IREB2: variants seen among roughly 807,000 people sequenced by gnomAD.
The protein encoded by IREB2 is iron responsive element binding protein 2.
In IREB2, 39 loss-of-function variants were observed where a neutral mutation model predicts 118.8. The ratio of observed to expected loss-of-function variants is 0.33; its 90% CI spans 0.25 to 0.43. The LOEUF (loss-of-function observed/expected upper bound fraction) is 0.43, where lower values mean the gene tolerates loss of function less well. Ranked by LOEUF, IREB2 falls within the 20% of genes least tolerant of loss-of-function variation. The pLI, the probability that IREB2 is intolerant of heterozygous loss-of-function variation, is 1.00. For missense variants in IREB2, 900 were observed against 1,147.3 expected, an observed-to-expected ratio of 0.78 and a Z score of 3.11; for synonymous variants, 372 against 392.2, an observed-to-expected ratio of 0.95 and a Z score of 0.61.
rs2051050016 is a variant in IREB2 at position 78,452,966 on chromosome 15, C to T, written c.107-9956C>T. Among the ~76,000 whole-genome samples the T allele has an allele frequency of 2.0e-5, 3 of 152,082 alleles. No individual in the cohort carries two copies. In the South Asian group the frequency reaches 6.2e-4, roughly 31 times the overall value. ...TTCTATAGGGTAATGTTGAAGAAGG[C>T]CAGGTAACACCTGCACACACAGGTG... On this transcript the variant is annotated intron_variant, in intron 2 of 21. Coordinates refer to ENST00000258886, the MANE Select transcript of IREB2 (RefSeq NM_004136.4).
At chr15:78,459,598 C>T (rs2051163978) in intron 2 of IREB2, among the ~76,000 whole-genome samples, 1 of 152,196 alleles carries the variant, frequency 6.6e-6, no homozygotes, top group South Asian at 2.1e-4. Context: ...GATCCACCCA[C>T]GTCGGCCTCC....
At chr15:78,439,133 C>T (rs1051619296) in intron 1 of IREB2, among the ~76,000 whole-genome samples, 1 of 152,166 alleles carries the variant, frequency 6.6e-6, no homozygotes, top group Non-Finnish European at 1.5e-5. Context: ...TTAAATGAGA[C>T]CTCTGGATCT....
intron 2 of IREB2, among the ~76,000 whole-genome samples, chr15:78,459,372 C>CA (rs2051159573): frequency 6.6e-6 from 1 of 151,204 alleles, no homozygotes; most frequent in South Asian, 2.1e-4. Context: ...TTTTTTGAGA[C>CA]AGAGTCTCGC....
At chr15:78,478,549 A>G (rs1438399912) in intron 10 of IREB2, 152 bp downstream of exon 10, 4 of 548,458 alleles carry the variant, frequency 7.3e-6, no homozygotes, top group Non-Finnish European at 1.3e-5. Context: ...CAAAAAAACT[A>G]CAAACATTAG....
At chr15:78,473,500 G>A (rs2051414566) in intron 8 of IREB2, 119 bp downstream of exon 8, 2 of 701,650 alleles carry the variant, frequency 2.9e-6, no homozygotes, top group South Asian at 1.9e-5. Flanking sequence ...CTTGACGTTA[G>A]CCACATCATC....
At chr15:78,469,109 C>G (rs943169840) in intron 5 of IREB2, among the ~76,000 whole-genome samples, 2 of 152,082 alleles carry the variant, frequency 1.3e-5, no homozygotes, top group Non-Finnish European at 2.9e-5. Flanking sequence ...TATTGTAGTT[C>G]CTGGCTATGT....
rs973386113 is a variant in IREB2, at chr15:78,494,062, A to T, written c.2472+6A>T. ...ATTTTCCATCAGGACAGACGGTGAG[A>T]ATGCAAACAAAGTATTTAGACAATT... On this transcript the variant is annotated splice_donor_region_variant and intron_variant, in intron 19 of 21. Transcript: ENST00000258886. 1.9e-6 allele frequency: 3 copies of T among 1,613,876 alleles called. No homozygotes were observed. In the East Asian group the frequency reaches 6.7e-5, roughly 36 times the overall value.
chr15:78,473,410 CTTA>C (rs1329165779), intron 8 of IREB2, 29 bp downstream of exon 8: 2 of 1,582,330 alleles, frequency 1.3e-6, no homozygotes, highest in African/African-American at 2.7e-5. Context: ...AGCTCTATGA[CTTA>C]CTGAACATTA....
intron 16 of IREB2, among the ~76,000 whole-genome samples, chr15:78,490,151 G>T (rs2051725135): frequency 6.6e-6 from 1 of 152,122 alleles, no homozygotes; most frequent in African/African-American, 2.4e-5. Flanking sequence ...GGTGGCTAAT[G>T]CCTATAATCC....
chr15:78,486,252 T>G (rs1302680665), intron 13 of IREB2, among the ~76,000 whole-genome samples: 1 of 152,262 alleles, frequency 6.6e-6, no homozygotes. Flanking sequence ...TTTAGTTTTA[T>G]GAGGTTATTG....
Position 78,498,153 on chromosome 15 carries a change from AC to A in IREB2, c.*12del, listed in dbSNP as rs1356762919. On this transcript the variant is annotated 3_prime_UTR_variant, in exon 22 of 22. Transcript: ENST00000258886. The stretch of plus-strand genomic sequence containing the variant: ...ACGAAAATTCTCATAGTATCTACTT[AC>A]CATAGATACCTTTCATAACTGGTAA... The A allele has an allele frequency of 2.1e-6, 3 of 1,396,074 alleles. No individual in the cohort carries two copies. The highest frequency in any genetic ancestry group is 3.1e-6 in the Non-Finnish European group (3 of 981,824). 86.5% of individuals were successfully genotyped at this position (1,396,074 alleles called of 1,614,324 possible).
rs1305360582 is a variant in IREB2 at position 78,460,449 on chromosome 15, A to G, written c.107-2473A>G. On this transcript the variant is annotated intron_variant, in intron 2 of 21. Coordinates refer to ENST00000258886, the MANE Select transcript of IREB2 (RefSeq NM_004136.4). The stretch of plus-strand genomic sequence containing the variant: ...TCATTATGAACTAAGGGCTACTTAT[A>G]TATTTGATGTATTTTGGTGAATTAT... 2.6e-5 allele frequency among the ~76,000 whole-genome samples: 4 copies of G among 152,190 alleles called. 1 individual carries two copies. The highest frequency in any genetic ancestry group is 5.9e-5 in the Non-Finnish European group (4 of 68,028).
chr15:78,452,347 TTAAAG>T (rs1413835962), intron 2 of IREB2, among the ~76,000 whole-genome samples: 5 of 152,108 alleles, frequency 3.3e-5, no homozygotes, highest in Non-Finnish European at 7.4e-5. Context: ...CATACCAGTA[TTAAAG>T]TAAACATGTT....
intron 1 of IREB2, 51 bp downstream of exon 1, chr15:78,438,407 C>G (rs1334352366): frequency 1.9e-6 from 3 of 1,573,796 alleles, no homozygotes; most frequent in Non-Finnish European, 2.6e-6. Context: ...CGCGCGCTGC[C>G]TAGGCGCCGA....
intron 2 of IREB2, among the ~76,000 whole-genome samples, chr15:78,443,194 G>A (rs114439174): frequency 1.6e-3 from 245 of 152,344 alleles, no homozygotes; most frequent in African/African-American, 5.8e-3. Flanking sequence ...AAATAGAACA[G>A]TTATAACAAT....
chr15:78,438,138 C>A (rs2050780852), upstream of IREB2: 1 of 569,876 alleles, frequency 1.8e-6, no homozygotes, highest in South Asian at 2.1e-5. Flanking sequence ...TCCTGTCCGA[C>A]GATCTCGCGG....
chr15:78,488,111 T>G lies in IREB2; in HGVS notation c.1795-69T>G, dbSNP rs2051690954. ...CCCTCAGACTTTAAGATTGCTTATA[T>G]ATGATTATCCAGATTTGTACCATCT... On this transcript the variant is annotated intron_variant, in intron 14 of 21. Coordinates refer to ENST00000258886, the MANE Select transcript of IREB2 (RefSeq NM_004136.4). 5 of 1,440,160 alleles carry G rather than the reference T, an allele frequency of 3.5e-6. No individual in the cohort carries two copies. In the South Asian group the frequency reaches 6.9e-5, roughly 20 times the overall value. The allele number at this position is 1,440,160 out of a possible 1,614,324, so 89.2% of individuals were successfully genotyped here.
intron 10 of IREB2, chr15:78,479,946 A>G (rs2051538263): frequency 6.6e-6 from 1 of 151,982 alleles, no homozygotes; most frequent in African/African-American, 2.4e-5. Context: ...ATCTGTTGGA[A>G]ATTTATATCA....
At chr15:78,493,299 A>G (rs1176974369) in intron 18 of IREB2, among the ~76,000 whole-genome samples, 1 of 152,210 alleles carries the variant, frequency 6.6e-6, no homozygotes, top group African/African-American at 2.4e-5. Flanking sequence ...GTATACCCAA[A>G]TCCACACATA....
Sources: gnomAD v4.1 joint callset for allele counts (sites outside exome capture counted in the v4.1 genomes callset) on GRCh38, gnomAD v4.1.1 for gene constraint, MANE v1.5 for transcripts, NCBI Gene and HGNC (gene_info 2026-07-23, HGNC 2026-07-21) for gene names.